KPNA4: variants seen among roughly 807,000 people sequenced by gnomAD.
KPNA4 encodes the protein karyopherin subunit alpha 4.
A neutral mutation model predicts 71.3 loss-of-function variants in KPNA4; 13 were observed. The ratio of observed to expected loss-of-function variants is 0.18; its 90% CI spans 0.12 to 0.29. KPNA4 has a LOEUF of 0.29. KPNA4 is among the 10% of genes least tolerant of loss of function. The probability of loss-of-function intolerance (pLI) is 1.00; values close to 1 mark genes in which losing one functional copy is unlikely to be tolerated. For synonymous variants in KPNA4, 189 were observed against 195.2 expected (o/e 0.97, Z 0.26); for missense variants, 334 against 603.2 (o/e 0.55, Z 4.67).
At chr3:160,523,712 G>A (rs183848014) in intron 10 of KPNA4, among the ~76,000 whole-genome samples, 149 of 152,164 alleles carry the variant, frequency 9.8e-4, no homozygotes, top group African/African-American at 3.3e-3. Context: ...TTAGCCAGGC[G>A]TGGTGGCGGG....
At chr3:160,558,373 C>T (rs1722180091) in intron 1 of KPNA4, among the ~76,000 whole-genome samples, 1 of 152,166 alleles carries the variant, frequency 6.6e-6, no homozygotes, top group South Asian at 2.1e-4. Flanking sequence ...TAGGGGTTTA[C>T]TTGGATGCAA....
intron 5 of KPNA4, among the ~76,000 whole-genome samples, chr3:160,533,606 G>A (rs1349278679): frequency 6.6e-6 from 1 of 151,954 alleles, no homozygotes; most frequent in Non-Finnish European, 1.5e-5. Flanking sequence ...ACATAATGGT[G>A]AATAATATAA....
chr3:160,528,104 T>C, intron 7 of KPNA4, 65 bp from the exon 8 acceptor site: 2 of 1,273,852 alleles, frequency 1.6e-6, no homozygotes, highest in South Asian at 1.3e-5. Context: ...TCAATCTTTA[T>C]TTTTTTGCTG....
At chr3:160,548,400 C>T (rs1010263266) in intron 1 of KPNA4, among the ~76,000 whole-genome samples, 2 of 152,142 alleles carry the variant, frequency 1.3e-5, no homozygotes, top group African/African-American at 4.8e-5. Context: ...CATCAAATCT[C>T]CCAAAACTAT....
chr3:160,541,150 T>A (rs1721788922), intron 1 of KPNA4, among the ~76,000 whole-genome samples: 1 of 152,230 alleles, frequency 6.6e-6, no homozygotes, highest in Non-Finnish European at 1.5e-5. Flanking sequence ...TTCTGATTAG[T>A]GGCTACTTGA....
intron 1 of KPNA4, among the ~76,000 whole-genome samples, chr3:160,557,833 T>A (rs148652013): frequency 9.1e-4 from 138 of 151,986 alleles, no homozygotes; most frequent in African/African-American, 3.2e-3. Context: ...TGCCACCACA[T>A]CCAGCTAAAT....
At chr3:160,522,272 G>GA (rs2108548873) in intron 10 of KPNA4, among the ~76,000 whole-genome samples, 1 of 152,332 alleles carries the variant, frequency 6.6e-6, no homozygotes, top group East Asian at 1.9e-4. Flanking sequence ...AAGCTGGAAA[G>GA]ACTACATGTA....
At position 160,496,559 on chromosome 3, in the gene KPNA4, C is replaced by T. The variant is rs1720768499; in HGVS notation, c.*5545G>A. Reference sequence around the variant, plus strand: ...ATGGAGATCAGAGGTAAGATATAGTCAGGGAAATTAGGATTCATGCTTGAA... The same window carrying T: ...ATGGAGATCAGAGGTAAGATATAGTTAGGGAAATTAGGATTCATGCTTGAA... On this transcript the variant is annotated 3_prime_UTR_variant, in exon 17 of 17. Transcript: ENST00000334256. 1 of 152,102 alleles carries T rather than the reference C, an allele frequency of 6.6e-6. No individual in the cohort carries two copies. Among genetic ancestry groups the T allele is most frequent in the African/African-American group, 2.4e-5 (1 of 41,392 alleles). 9.4% of individuals were successfully genotyped at this position (152,102 alleles called of 1,614,324 possible). A position where few individuals can be genotyped will look rare whatever the true frequency, so the allele number is the denominator to read the frequency against.
intron 1 of KPNA4, among the ~76,000 whole-genome samples, chr3:160,540,787 G>A (rs1721782911): frequency 6.6e-6 from 1 of 152,242 alleles, no homozygotes; most frequent in South Asian, 2.1e-4. Context: ...GTATAGGCCA[G>A]AGAGCTATAT....
chr3:160,509,942 T>C (rs1488700098), intron 13 of KPNA4, 71 bp from the exon 14 acceptor site: 1 of 953,504 alleles, frequency 1.0e-6, no homozygotes, highest in Non-Finnish European at 1.7e-6. Flanking sequence ...TTTGCTGTGA[T>C]GATTTTTCAA....
Position 160,502,209 on chromosome 3 carries a change from G to C in KPNA4, c.1468-7C>G. ...GGCTAGGGTCTTCATCAATCTAGGT[G>C]AAAAAAAAGAAAAAGAATGTGATAA... On this transcript the variant is annotated splice_region_variant and splice_polypyrimidine_tract_variant and intron_variant, in intron 16 of 16. Coordinates refer to ENST00000334256, the MANE Select transcript of KPNA4 (RefSeq NM_002268.5). 7.0e-7 allele frequency: 1 copy of C among 1,419,800 alleles called. No homozygotes were observed. The highest frequency in any genetic ancestry group is 2.3e-5 in the East Asian group (1 of 42,622). The allele number at this position is 1,419,800 out of a possible 1,614,324, so 88.0% of individuals were successfully genotyped here. A position where few individuals can be genotyped will look rare whatever the true frequency, so the allele number is the denominator to read the frequency against.
intron 1 of KPNA4, among the ~76,000 whole-genome samples, chr3:160,541,315 C>T (rs886671485): frequency 1.3e-5 from 2 of 151,966 alleles, no homozygotes; most frequent in Non-Finnish European, 2.9e-5. Flanking sequence ...GACTCAATCT[C>T]ACTAGAGAAA....
rs766343951 is a variant in KPNA4 at position 160,502,072 on chromosome 3, G to A, written c.*32C>T. 2 of 924,526 alleles carry A rather than the reference G, an allele frequency of 2.2e-6. No homozygotes were observed. The highest frequency in any genetic ancestry group is 2.9e-5 in the South Asian group (2 of 67,990). 57.3% of individuals were successfully genotyped at this position (924,526 alleles called of 1,614,324 possible). On this transcript the variant is annotated 3_prime_UTR_variant, in exon 17 of 17. Coordinates refer to ENST00000334256, the MANE Select transcript of KPNA4 (RefSeq NM_002268.5). ...CACATATATATATATATATCTCAGT[G>A]CTGCATTGTACCTAACTTCCACAAC...
intron 11 of KPNA4, among the ~76,000 whole-genome samples, chr3:160,516,647 C>T (rs1200092154): frequency 1.1e-4 from 16 of 151,890 alleles, no homozygotes; most frequent in Admixed American, 1.0e-3. Flanking sequence ...TGGCACGAGC[C>T]TGTAGTCCCA....
intron 10 of KPNA4, among the ~76,000 whole-genome samples, chr3:160,523,298 C>A (rs534908392): frequency 6.6e-6 from 1 of 151,966 alleles, no homozygotes; most frequent in South Asian, 2.1e-4. Context: ...CGGTGAAACC[C>A]CGTCTCTATG....
chr3:160,515,307 G>T, intron 12 of KPNA4, 145 bp downstream of exon 12: 1 of 838,248 alleles, frequency 1.2e-6, no homozygotes, highest in East Asian at 2.8e-5. Context: ...GTTATGGAGA[G>T]TAAAATTTTT....
chr3:160,532,159 A>C (rs1049389597), intron 5 of KPNA4, among the ~76,000 whole-genome samples: 12 of 152,268 alleles, frequency 7.9e-5, no homozygotes, highest in African/African-American at 2.9e-4. Context: ...ACTTATAAAA[A>C]GAAAACTAAT....
At chr3:160,547,176 A>C (rs1264477910) in intron 1 of KPNA4, among the ~76,000 whole-genome samples, 2 of 152,216 alleles carry the variant, frequency 1.3e-5, no homozygotes, top group African/African-American at 4.8e-5. Context: ...CAATGTATTA[A>C]TGTTATCTTG....
chr3:160,523,841 A>G (rs1721408331), intron 10 of KPNA4, among the ~76,000 whole-genome samples: 1 of 151,982 alleles, frequency 6.6e-6, no homozygotes, highest in Admixed American at 6.6e-5. Context: ...ACAGTGCGAG[A>G]CTCTGTCTCA....
Sources: allele counts gnomAD v4.1 joint callset (sites outside exome capture counted in the v4.1 genomes callset), GRCh38; gene constraint gnomAD v4.1.1; transcripts MANE v1.5; gene names NCBI Gene and HGNC (gene_info 2026-07-23, HGNC 2026-07-21).